AGBL1: variants seen among roughly 807,000 people sequenced by gnomAD.
The protein encoded by AGBL1 is cytosolic carboxypeptidase 4.
In AGBL1, 130 loss-of-function variants were observed where a neutral mutation model predicts 118.9. The ratio of observed to expected loss-of-function variants is 1.09; its 90% CI spans 0.95 to 1.26. The LOEUF (loss-of-function observed/expected upper bound fraction) is 1.26. Ranked by LOEUF, AGBL1 falls within the 50% of genes most tolerant of loss-of-function variation. The pLI is 0.00. For synonymous variants in AGBL1, 555 were observed against 478.9 expected (o/e 1.16, Z -2.08); for missense variants, 1,584 against 1,298.1 (o/e 1.22, Z -3.38).
intron 22 of AGBL1, among the ~76,000 whole-genome samples, chr15:86,798,780 A>G (rs181475413): frequency 3.3e-5 from 5 of 149,990 alleles, no homozygotes; most frequent in African/African-American, 1.2e-4. Context: ...ATATATTTAG[A>G]GAGCCTGAAG....
At chr15:86,841,111 A>T (rs1220765116) in intron 22 of AGBL1, among the ~76,000 whole-genome samples, 1 of 152,230 alleles carries the variant, frequency 6.6e-6, no homozygotes, top group Non-Finnish European at 1.5e-5. Flanking sequence ...AGCAGCAAGG[A>T]TGAATGACAG....
chr15:86,635,514 G>A (rs1377387304), intron 21 of AGBL1, among the ~76,000 whole-genome samples: 1 of 151,726 alleles, frequency 6.6e-6, no homozygotes, highest in Admixed American at 6.6e-5. Context: ...GAAGGCTAAT[G>A]TAACAGACTC....
chr15:86,122,197 C>T (rs1898132194), intron 1 of AGBL1, among the ~76,000 whole-genome samples: 1 of 152,144 alleles, frequency 6.6e-6, no homozygotes, highest in African/African-American at 2.4e-5. Context: ...GACATGGTCA[C>T]AGGAGGTTCT....
chr15:86,459,051 G>T (rs2082297333), intron 18 of AGBL1, among the ~76,000 whole-genome samples: 1 of 152,054 alleles, frequency 6.6e-6, no homozygotes, highest in African/African-American at 2.4e-5. Context: ...CTATATGCTT[G>T]CTTACAAATT....
At chr15:86,450,524 C>G (rs769446899) in intron 18 of AGBL1, among the ~76,000 whole-genome samples, 10 of 152,176 alleles carry the variant, frequency 6.6e-5, no homozygotes, top group African/African-American at 2.2e-4. Context: ...TAGATTCAAC[C>G]TACAGAAATT....
At chr15:86,965,180 G>T (rs1331981002) in intron 23 of AGBL1, among the ~76,000 whole-genome samples, 2 of 152,084 alleles carry the variant, frequency 1.3e-5, no homozygotes, top group African/African-American at 2.4e-5. Flanking sequence ...TAATATTTCT[G>T]GTTCTAGATC....
intron 18 of AGBL1, among the ~76,000 whole-genome samples, chr15:86,483,844 C>G (rs182376300): frequency 6.6e-6 from 1 of 152,126 alleles, no homozygotes; most frequent in African/African-American, 2.4e-5. Flanking sequence ...AATGCAGATG[C>G]AGCTTAAATG....
intron 22 of AGBL1, among the ~76,000 whole-genome samples, chr15:86,778,804 G>A (rs1484286896): frequency 6.6e-6 from 1 of 152,146 alleles, no homozygotes; most frequent in Non-Finnish European, 1.5e-5. Flanking sequence ...AAGATAATGG[G>A]ATTAAGAGAT....
intron 17 of AGBL1, among the ~76,000 whole-genome samples, chr15:86,383,896 C>T (rs2081146799): frequency 1.3e-5 from 2 of 152,162 alleles, no homozygotes; most frequent in Non-Finnish European, 2.9e-5. Context: ...CAAAATTATT[C>T]ACTAGAATGT....
intron 21 of AGBL1, among the ~76,000 whole-genome samples, chr15:86,667,329 T>C (rs1311851984): frequency 3.3e-5 from 5 of 151,946 alleles, no homozygotes; most frequent in African/African-American, 7.2e-5. Context: ...CAATAATCAG[T>C]TTTTGGTATT....
chr15:86,559,046 G>GT (rs1567057292), intron 21 of AGBL1, among the ~76,000 whole-genome samples: 1 of 152,082 alleles, frequency 6.6e-6, no homozygotes, highest in Admixed American at 6.6e-5. Context: ...AATCCTTGGT[G>GT]TTTTTTGGTT....
In AGBL1 at chr15:86,448,997, C is replaced by T. The variant is rs180934867; in HGVS notation, c.2555+51451C>T. Among the ~76,000 whole-genome samples the T allele has an allele frequency of 3.4e-3, 512 of 152,092 alleles. 2 individuals are homozygous for T. Among genetic ancestry groups the T allele is most frequent in the Non-Finnish European group, 5.4e-3 (365 of 68,010 alleles). On this transcript the variant is annotated intron_variant, in intron 18 of 22. Transcript: ENST00000614907. ...AGGATGTGGTGTACTGAAGGGCAGT[C>T]GAGGCTACAGGTGCAGCTTTTTGGG...
intron 5 of AGBL1, among the ~76,000 whole-genome samples, chr15:86,218,594 A>G (rs720997): frequency 0.33 from 49,835 of 151,818 alleles, 8,306 homozygotes; most frequent in South Asian, 0.42. Context: ...CTGTGATTAT[A>G]TTACATAATT....
intron 7 of AGBL1, among the ~76,000 whole-genome samples, chr15:86,250,207 C>T (rs1035167379): frequency 1.3e-5 from 2 of 152,006 alleles, no homozygotes; most frequent in African/African-American, 2.4e-5. Flanking sequence ...CACCACCACT[C>T]GCCCTTGCTT....
chr15:86,641,225 T>A lies in AGBL1; in HGVS notation c.2995-33048T>A, dbSNP rs542042850. ...TTTCTTAAGTAATATTTATTCAGGCTAGTGTACTATATTGAACTATTTTCC... is the reference window on the plus strand; with the variant it reads ...TTTCTTAAGTAATATTTATTCAGGCAAGTGTACTATATTGAACTATTTTCC... On this transcript the variant is annotated intron_variant, in intron 21 of 22. Coordinates refer to ENST00000614907, the MANE Select transcript of AGBL1 (RefSeq NM_001386094.1). Among the ~76,000 whole-genome samples the A allele has an allele frequency of 7.2e-5, 11 of 152,298 alleles. No homozygotes were observed. The South Asian group carries it at 2.1e-3, about 29-fold the overall frequency.
At chr15:86,080,062 G>GGGT (rs1315315497) in intron 1 of AGBL1, 39 bp downstream of exon 1, 1 of 1,230,966 alleles carries the variant, frequency 8.1e-7, no homozygotes, top group Non-Finnish European at 1.0e-6. Flanking sequence ...CCGGCGGGCT[G>GGGT]GGTGTTTGCC....
chr15:86,515,158 ATCT>A (rs768416303), intron 18 of AGBL1, among the ~76,000 whole-genome samples: 1 of 152,114 alleles, frequency 6.6e-6, no homozygotes, highest in Non-Finnish European at 1.5e-5. Flanking sequence ...ATGGTTTCAG[ATCT>A]TCTTTACTGA....
chr15:86,512,245 T>C (rs1233446965), intron 18 of AGBL1, among the ~76,000 whole-genome samples: 1 of 151,940 alleles, frequency 6.6e-6, no homozygotes, highest in Admixed American at 6.6e-5. Context: ...ATTGAAAATG[T>C]CCATATCTTT....
intron 22 of AGBL1, 52 bp downstream of exon 22, chr15:86,674,488 C>T: frequency 6.4e-7 from 1 of 1,551,304 alleles, no homozygotes; most frequent in Non-Finnish European, 8.8e-7. Context: ...GGTTCCATTG[C>T]TCAATATCTC....
Sources: allele counts gnomAD v4.1 joint callset (sites outside exome capture counted in the v4.1 genomes callset), GRCh38; gene constraint gnomAD v4.1.1; transcripts MANE v1.5; gene names NCBI Gene and HGNC (gene_info 2026-07-23, HGNC 2026-07-21).